PDE3A: variants seen among roughly 807,000 people sequenced by gnomAD.
PDE3A encodes cGMP-inhibited 3',5'-cyclic phosphodiesterase 3A.
In PDE3A, 43 loss-of-function variants were observed where a neutral mutation model predicts 98.3. The ratio of observed to expected loss-of-function variants is 0.44; its 90% CI spans 0.34 to 0.56. The LOEUF (loss-of-function observed/expected upper bound fraction) is 0.56. Among genes scored for constraint, PDE3A ranks in the 20% least tolerant of loss-of-function variants. The pLI is 0.01. For synonymous variants in PDE3A, 663 were observed against 567.9 expected, an observed-to-expected ratio of 1.17 and a Z score of -2.38; for missense variants, 1,427 against 1,440.7, an observed-to-expected ratio of 0.99 and a Z score of 0.15.
chr12:20,410,200 A>G (rs978349), intron 1 of PDE3A, among the ~76,000 whole-genome samples: 96,853 of 152,006 alleles, frequency 0.64, 32,101 homozygotes, highest in East Asian at 0.89. Context: ...GTATTGGGCT[A>G]TCCTTTTTTG....
intron 1 of PDE3A, among the ~76,000 whole-genome samples, chr12:20,484,159 A>C (rs1945680947): frequency 6.6e-6 from 1 of 152,236 alleles, no homozygotes; most frequent in Non-Finnish European, 1.5e-5. Context: ...TAGGTCATGC[A>C]GACAGAATTC....
At position 20,621,345 on chromosome 12, in the gene PDE3A, T is replaced by C; in HGVS notation, c.1474T>C (p.Ser492Pro). The C allele has an allele frequency of 6.2e-7, 1 of 1,612,340 alleles. No individual in the cohort carries two copies. Among genetic ancestry groups the C allele is most frequent in the South Asian group, 1.1e-5 (1 of 91,048 alleles). ...GATGATGACCCTCACCAAAAGCAGA[T>C]CCTTTACTTCATCCTATGCTATTTC... is the stretch of plus-strand genomic sequence containing the variant. ...PVMMTLTKSR[S>P]FTSSYAISAA... The change falls in exon 5 of 16, where the codon TCC becomes CCC. Residue 492 changes from serine (S) to proline (P), a missense_variant. By Grantham distance (74) the Ser-to-Pro change is moderately conservative. Coordinates refer to ENST00000359062, the MANE Select transcript of PDE3A (RefSeq NM_000921.5).
At chr12:20,485,399 G>A (rs913820748) in intron 1 of PDE3A, among the ~76,000 whole-genome samples, 3 of 152,084 alleles carry the variant, frequency 2.0e-5, no homozygotes, top group African/African-American at 7.2e-5. Flanking sequence ...TTTCAAATAA[G>A]GTCATGTTTA....
chr12:20,626,749 C>G (rs1385096191), intron 5 of PDE3A, among the ~76,000 whole-genome samples: 2 of 152,118 alleles, frequency 1.3e-5, no homozygotes, highest in Non-Finnish European at 2.9e-5. Flanking sequence ...CTGCCCTCCT[C>G]GGCCTCCCAA....
rs75851941 is a variant in PDE3A, at chr12:20,400,379, G to GTTTTTTTTTT, written c.960+30171_960+30180dup. 5.2e-4 allele frequency among the ~76,000 whole-genome samples: 57 copies of GTTTTTTTTTT among 110,254 alleles called. 1 individual carries two copies. Among genetic ancestry groups the GTTTTTTTTTT allele is most frequent in the Non-Finnish European group, 6.8e-4 (39 of 57,388 alleles). The allele number at this position is 110,254 out of a possible 152,430, so 72.3% of individuals were successfully genotyped here. ...AGCTCATGTTGACTCGTTAACATTG[G>GTTTTTTTTTT]TTTTTTTTTTTTTTTTTTTTTTTTT... On this transcript the variant is annotated intron_variant, in intron 1 of 15. Coordinates refer to ENST00000359062, the MANE Select transcript of PDE3A (RefSeq NM_000921.5).
intron 1 of PDE3A, chr12:20,449,980 A>C: frequency 1.4e-6 from 1 of 720,902 alleles, no homozygotes; most frequent in Non-Finnish European, 2.5e-6. Context: ...AGGAACAATA[A>C]GCCCTTGCCA....
chr12:20,509,233 G>A (rs1391587064), intron 1 of PDE3A, among the ~76,000 whole-genome samples: 1 of 152,060 alleles, frequency 6.6e-6, no homozygotes, highest in Admixed American at 6.6e-5. Context: ...CACCACATCT[G>A]TGTCCACAGC....
intron 2 of PDE3A, among the ~76,000 whole-genome samples, chr12:20,604,909 G>GTTTC (rs1943674916): frequency 6.6e-6 from 1 of 152,012 alleles, no homozygotes; most frequent in South Asian, 2.1e-4. Flanking sequence ...GCCAGTTTCC[G>GTTTC]TTTCTTTATA....
chr12:20,653,529 A>AT (rs1355593531), intron 14 of PDE3A, among the ~76,000 whole-genome samples: 1 of 151,906 alleles, frequency 6.6e-6, no homozygotes, highest in Non-Finnish European at 1.5e-5. Flanking sequence ...CACCCAGCTA[A>AT]TTTTTTGTAT....
At chr12:20,410,899 C>T (rs554590459) in intron 1 of PDE3A, among the ~76,000 whole-genome samples, 1 of 152,314 alleles carries the variant, frequency 6.6e-6, no homozygotes, top group Admixed American at 6.5e-5. Flanking sequence ...GTTCTGTCCA[C>T]AGAGCCCTTA....
At chr12:20,524,623 A>G (rs1946483346) in intron 1 of PDE3A, among the ~76,000 whole-genome samples, 1 of 151,922 alleles carries the variant, frequency 6.6e-6, no homozygotes, top group African/African-American at 2.4e-5. Flanking sequence ...ACATATGCAT[A>G]TCATTTAAAA....
At chr12:20,434,622 G>A (rs958902602) in intron 1 of PDE3A, among the ~76,000 whole-genome samples, 5 of 152,096 alleles carry the variant, frequency 3.3e-5, no homozygotes, top group African/African-American at 1.2e-4. Flanking sequence ...AAAATCATAT[G>A]ACATGTAAGA....
chr12:20,541,214 A>G (rs1435726542), intron 1 of PDE3A, among the ~76,000 whole-genome samples: 1 of 149,242 alleles, frequency 6.7e-6, no homozygotes, highest in Non-Finnish European at 1.5e-5. Flanking sequence ...CTCTTGCCTC[A>G]GCATCTAGAA....
At chr12:20,432,677 T>C (rs74065085) in intron 1 of PDE3A, among the ~76,000 whole-genome samples, 3,172 of 152,292 alleles carry the variant, frequency 0.021, 97 homozygotes, top group African/African-American at 0.073. Flanking sequence ...CCTTTTTCCA[T>C]ACCTTCATAA....
At chr12:20,577,423 G>T (rs980159954) in intron 2 of PDE3A, among the ~76,000 whole-genome samples, 2 of 152,112 alleles carry the variant, frequency 1.3e-5, no homozygotes, top group African/African-American at 4.8e-5. Context: ...AGTAAAGAAG[G>T]TTTGCTACAT....
intron 1 of PDE3A, among the ~76,000 whole-genome samples, chr12:20,457,794 A>T (rs1397377798): frequency 2.6e-5 from 4 of 151,750 alleles, no homozygotes; most frequent in African/African-American, 7.3e-5. Flanking sequence ...TGCTGTAAAA[A>T]TTTTTTTAAA....
At chr12:20,427,566 A>T (rs1055693525) in intron 1 of PDE3A, among the ~76,000 whole-genome samples, 2 of 152,282 alleles carry the variant, frequency 1.3e-5, no homozygotes, top group East Asian at 3.9e-4. Context: ...CTGTATGAAT[A>T]TTACCAAGTT....
At chr12:20,677,939 T>A (rs1373307651) in intron 15 of PDE3A, among the ~76,000 whole-genome samples, 1 of 151,196 alleles carries the variant, frequency 6.6e-6, no homozygotes, top group African/African-American at 2.5e-5. Context: ...AAGCCTGTTG[T>A]AAAATTTTGC....
rs1031169396 is a variant in PDE3A, at chr12:20,402,490, C to T, written c.960+32246C>T. Among the ~76,000 whole-genome samples, 12 of 152,166 alleles carry T rather than the reference C, an allele frequency of 7.9e-5. No individual in the cohort carries two copies. In the South Asian group the frequency reaches 8.3e-4, roughly 11 times the overall value. ...GAACCAAGGTTGTGATTTGGACTCA[C>T]CCTCAGGAAATCAAATATAAAATCA... On this transcript the variant is annotated intron_variant, in intron 1 of 15. Coordinates refer to ENST00000359062, the MANE Select transcript of PDE3A (RefSeq NM_000921.5).
Sources: gnomAD v4.1 joint callset for allele counts (sites outside exome capture counted in the v4.1 genomes callset) on GRCh38, gnomAD v4.1.1 for gene constraint, MANE v1.5 for transcripts, NCBI Gene and HGNC (gene_info 2026-07-23, HGNC 2026-07-21) for gene names.